The following ABLIM1 variants were observed in gnomAD, a reference collection of about 807,000 sequenced individuals.
ABLIM1 encodes actin-binding LIM protein 1.
A neutral mutation model predicts 107.0 loss-of-function variants in ABLIM1; 40 were observed. The observed-to-expected ratio is 0.37, with a 90% CI of 0.29 to 0.49. The LOEUF is 0.49. Ranked by LOEUF, ABLIM1 falls within the 20% of genes least tolerant of loss-of-function variation. The pLI is 0.97. For synonymous variants in ABLIM1, 357 were observed against 357.3 expected (o/e 1.00, Z 0.01); for missense variants, 857 against 1,008.5 (o/e 0.85, Z 2.04).
intron 1 of ABLIM1, among the ~76,000 whole-genome samples, chr10:114,761,011 A>C (rs1253023166): frequency 1.3e-5 from 2 of 152,162 alleles, no homozygotes; most frequent in Non-Finnish European, 2.9e-5. Flanking sequence ...TGTAACTCAA[A>C]GAGAGGAGAA....
chr10:114,770,176 CCAGATA>C (rs1028579702), upstream of ABLIM1, among the ~76,000 whole-genome samples: 31 of 152,136 alleles, frequency 2.0e-4, no homozygotes, highest in African/African-American at 7.5e-4. Context: ...TCACTGATCT[CCAGATA>C]CAGACTGAAC....
At chr10:114,552,101 C>A (rs1422353689) in intron 4 of ABLIM1, among the ~76,000 whole-genome samples, 1 of 152,126 alleles carries the variant, frequency 6.6e-6, no homozygotes, top group Non-Finnish European at 1.5e-5. Context: ...GAATCCTGAC[C>A]CGAAGTATTC....
At chr10:114,608,060 G>C (rs1261858210) in intron 1 of ABLIM1, among the ~76,000 whole-genome samples, 1 of 152,146 alleles carries the variant, frequency 6.6e-6, no homozygotes, top group African/African-American at 2.4e-5. Flanking sequence ...ACCTAAAATG[G>C]TTTTAAGAAA....
intron 6 of ABLIM1, among the ~76,000 whole-genome samples, chr10:114,535,770 A>G (rs181801741): frequency 6.6e-6 from 1 of 152,320 alleles, no homozygotes; most frequent in Admixed American, 6.5e-5. Flanking sequence ...TTTTTAGTAT[A>G]CAGTTGACCC....
intron 1 of ABLIM1, among the ~76,000 whole-genome samples, chr10:114,739,407 G>C (rs1361946150): frequency 1.3e-5 from 2 of 152,204 alleles, no homozygotes; most frequent in Admixed American, 6.5e-5. Flanking sequence ...AGGGTTGGGA[G>C]AGGTAGAAGT....
At chr10:114,496,813 G>C (rs534341732) in intron 6 of ABLIM1, among the ~76,000 whole-genome samples, 1 of 152,202 alleles carries the variant, frequency 6.6e-6, no homozygotes, top group East Asian at 1.9e-4. Context: ...GCATTGAGGA[G>C]TCGTTCTGTT....
intron 4 of ABLIM1, among the ~76,000 whole-genome samples, chr10:114,560,995 A>G (rs77031300): frequency 1.9e-3 from 293 of 152,368 alleles, no homozygotes; most frequent in Non-Finnish European, 3.6e-3. Context: ...CAGTGAATGC[A>G]TTAAAGGCCA....
chr10:114,666,689 T>G (rs2080040113), intron 1 of ABLIM1, among the ~76,000 whole-genome samples: 1 of 152,182 alleles, frequency 6.6e-6, no homozygotes, highest in East Asian at 1.9e-4. Context: ...CATGTATATA[T>G]CAAATAGTTC....
At chr10:114,736,652 T>C (rs1265394757) in intron 1 of ABLIM1, among the ~76,000 whole-genome samples, 1 of 152,200 alleles carries the variant, frequency 6.6e-6, no homozygotes, top group African/African-American at 2.4e-5. Context: ...TGAAATCTAG[T>C]GACCAACATA....
intron 1 of ABLIM1, among the ~76,000 whole-genome samples, chr10:114,609,376 C>T (rs577083698): frequency 1.8e-4 from 27 of 152,200 alleles, no homozygotes; most frequent in South Asian, 2.1e-4. Context: ...TTGACCCATA[C>T]GGCATAGCCC....
intron 1 of ABLIM1, among the ~76,000 whole-genome samples, chr10:114,756,448 T>C (rs986282054): frequency 1.3e-5 from 2 of 152,116 alleles, no homozygotes; most frequent in Admixed American, 1.3e-4. Context: ...AAAACAGACC[T>C]TGTTGCCATT....
chr10:114,472,949 C>T (rs1311461321), intron 10 of ABLIM1, 28 bp downstream of exon 10: 2 of 1,499,682 alleles, frequency 1.3e-6, no homozygotes, highest in East Asian at 2.4e-5. Flanking sequence ...AATTGTTGTA[C>T]AACTCACAAC....
chr10:114,672,924 G>A (rs2080316735), intron 1 of ABLIM1, among the ~76,000 whole-genome samples: 1 of 152,132 alleles, frequency 6.6e-6, no homozygotes, highest in Admixed American at 6.6e-5. Flanking sequence ...CCATATGTGA[G>A]TGGTATTGTT....
At chr10:114,570,314 A>G (rs2071455815) in intron 4 of ABLIM1, among the ~76,000 whole-genome samples, 1 of 151,980 alleles carries the variant, frequency 6.6e-6, no homozygotes, top group Admixed American at 6.6e-5. Context: ...GCAATTGGCC[A>G]CTCTTTTTAT....
chr10:114,456,107 C>T (rs2062775419), intron 12 of ABLIM1, among the ~76,000 whole-genome samples: 1 of 152,186 alleles, frequency 6.6e-6, no homozygotes, highest in South Asian at 2.1e-4. Context: ...AGCCACCGCA[C>T]CCGGCTGGAA....
At chr10:114,611,479 A>AAG (rs1268167549) in intron 1 of ABLIM1, among the ~76,000 whole-genome samples, 1 of 151,824 alleles carries the variant, frequency 6.6e-6, no homozygotes, top group Middle Eastern at 3.2e-3. Context: ...AGAAAAAAAA[A>AAG]AAAAAGATAC....
At chr10:114,692,306 A>T (rs1428372538) in intron 1 of ABLIM1, among the ~76,000 whole-genome samples, 4 of 152,256 alleles carry the variant, frequency 2.6e-5, no homozygotes. Flanking sequence ...AAAGACTTTC[A>T]AAGATTTCAA....
intron 2 of ABLIM1, among the ~76,000 whole-genome samples, chr10:114,585,172 G>A (rs906975171): frequency 5.9e-5 from 9 of 152,104 alleles, no homozygotes; most frequent in African/African-American, 2.2e-4. Context: ...TAACCCCAGG[G>A]AATTACATTT....
At chr10:114,756,763 C>A (rs953207388) in intron 1 of ABLIM1, among the ~76,000 whole-genome samples, 1 of 152,208 alleles carries the variant, frequency 6.6e-6, no homozygotes, top group Non-Finnish European at 1.5e-5. Context: ...ACTTGTTCTT[C>A]AAGGCCCTAT....
Sources: allele counts gnomAD v4.1 joint callset (sites outside exome capture counted in the v4.1 genomes callset), GRCh38; gene constraint gnomAD v4.1.1; transcripts MANE v1.5; gene names NCBI Gene and HGNC (gene_info 2026-07-23, HGNC 2026-07-21).